The following ACYP2 variants were observed in gnomAD, a reference collection of about 807,000 sequenced individuals.
ACYP2 encodes the protein acylphosphatase 2, also known as acylphosphatase-2.
In ACYP2, 12 loss-of-function variants were observed where a neutral mutation model predicts 11.2. That is an observed-to-expected ratio of 1.08 (90% CI 0.69 to 1.74). The LOEUF is 1.74. Ranked by LOEUF, ACYP2 falls within the 40% of genes most tolerant of loss-of-function variation. The pLI, the probability that ACYP2 is intolerant of heterozygous loss-of-function variation, is 0.00. For missense variants in ACYP2, 134 were observed against 101.9 expected, an observed-to-expected ratio of 1.31 and a Z score of -1.35; for synonymous variants, 43 against 32.2, an observed-to-expected ratio of 1.33 and a Z score of -1.13.
intron 2 of ACYP2, among the ~76,000 whole-genome samples, chr2:54,017,776 G>A (rs1673779701): frequency 6.6e-6 from 1 of 152,142 alleles, no homozygotes; most frequent in Admixed American, 6.5e-5. Flanking sequence ...CATCTCACAG[G>A]CTACTGTATT....
intron 2 of ACYP2, among the ~76,000 whole-genome samples, chr2:54,033,844 T>A (rs1011217706): frequency 2.0e-5 from 3 of 152,208 alleles, no homozygotes; most frequent in Non-Finnish European, 2.9e-5. Context: ...AAGAACATAA[T>A]GATTTTTTCT....
intron 6 of ACYP2, among the ~76,000 whole-genome samples, chr2:54,283,123 T>TA (rs1688917355): frequency 1.3e-5 from 2 of 152,244 alleles, no homozygotes; most frequent in South Asian, 2.1e-4. Flanking sequence ...GGCTTTATCC[T>TA]AATGCACGAA....
chr2:54,002,944 G>C (rs1008450001), intron 2 of ACYP2, among the ~76,000 whole-genome samples: 2 of 149,670 alleles, frequency 1.3e-5, no homozygotes, highest in Non-Finnish European at 3.0e-5. Flanking sequence ...CACCATGCCT[G>C]GCCTTTTATT....
At chr2:54,008,530 T>C (rs1673192487) in intron 2 of ACYP2, among the ~76,000 whole-genome samples, 1 of 152,192 alleles carries the variant, frequency 6.6e-6, no homozygotes, top group Admixed American at 6.5e-5. Context: ...ATCACTCCAC[T>C]TCTGCTAAGA....
intron 6 of ACYP2, among the ~76,000 whole-genome samples, chr2:54,252,675 G>A (rs1216570256): frequency 2.6e-5 from 4 of 151,982 alleles, no homozygotes; most frequent in Admixed American, 6.5e-5. Context: ...GCCAATGGTC[G>A]GGCGGATCAC....
At chr2:54,202,890 A>C (rs1167107702) in intron 6 of ACYP2, among the ~76,000 whole-genome samples, 1 of 151,734 alleles carries the variant, frequency 6.6e-6, no homozygotes, top group African/African-American at 2.4e-5. Flanking sequence ...TAAGTTTTCA[A>C]ATTGAAAAGA....
intron 6 of ACYP2, among the ~76,000 whole-genome samples, chr2:54,302,855 A>G (rs1225685603): frequency 1.3e-5 from 2 of 152,100 alleles, no homozygotes; most frequent in African/African-American, 2.4e-5. Flanking sequence ...CTGTCAGCAA[A>G]TCTACTTTTA....
chr2:54,182,816 C>T (rs1376500074), intron 6 of ACYP2, among the ~76,000 whole-genome samples: 2 of 151,984 alleles, frequency 1.3e-5, no homozygotes, highest in Admixed American at 1.3e-4. Context: ...TTATTATTTG[C>T]CTATAGCGGC....
At chr2:53,978,797 C>A (rs1034665802) in intron 2 of ACYP2, among the ~76,000 whole-genome samples, 3 of 152,160 alleles carry the variant, frequency 2.0e-5, no homozygotes, top group Non-Finnish European at 2.9e-5. Flanking sequence ...GTGGCACATT[C>A]CTGTGGTCCC....
At chr2:54,187,285 CAAA>C (rs1684053832) in intron 6 of ACYP2, among the ~76,000 whole-genome samples, 1 of 152,302 alleles carries the variant, frequency 6.6e-6, no homozygotes, top group Admixed American at 6.5e-5. Context: ...CCCAGAGTTA[CAAA>C]CCTCAGGGAT....
At chr2:54,220,212 T>C (rs1437446780) in intron 6 of ACYP2, among the ~76,000 whole-genome samples, 1 of 152,156 alleles carries the variant, frequency 6.6e-6, no homozygotes, top group Non-Finnish European at 1.5e-5. Flanking sequence ...TTGCTTCTGT[T>C]ATCATTACAG....
chr2:54,017,812 G>A (rs1038847546), intron 2 of ACYP2, among the ~76,000 whole-genome samples: 3 of 138,356 alleles, frequency 2.2e-5, no homozygotes, highest in Non-Finnish European at 5.0e-5. Flanking sequence ...TGGTAGTCAG[G>A]GGTGAGTGGA....
chr2:54,293,402 C>T (rs1689395155), intron 6 of ACYP2, among the ~76,000 whole-genome samples: 1 of 152,228 alleles, frequency 6.6e-6, no homozygotes, highest in African/African-American at 2.4e-5. Context: ...ATTCAATTAG[C>T]TGGTTCTCAG....
At chr2:54,099,073 C>G (rs1347655286) in intron 4 of ACYP2, among the ~76,000 whole-genome samples, 1 of 152,162 alleles carries the variant, frequency 6.6e-6, no homozygotes, top group Non-Finnish European at 1.5e-5. Flanking sequence ...GTTCCATCAA[C>G]CAAGAGTTGA....
chr2:54,029,508 T>A, intron 2 of ACYP2: 1 of 383,156 alleles, frequency 2.6e-6, no homozygotes, highest in South Asian at 2.3e-5. Flanking sequence ...AGGGAAGTGG[T>A]TCCAGCAACT....
At chr2:54,288,976 A>G (rs972645501) in intron 6 of ACYP2, among the ~76,000 whole-genome samples, 1 of 152,006 alleles carries the variant, frequency 6.6e-6, no homozygotes, top group Non-Finnish European at 1.5e-5. Flanking sequence ...TTTTAATTCT[A>G]TTCAAAGCCT....
chr2:54,174,073 T>G (rs1163023470), intron 6 of ACYP2, among the ~76,000 whole-genome samples: 1 of 152,180 alleles, frequency 6.6e-6, no homozygotes, highest in Non-Finnish European at 1.5e-5. Context: ...GTGAAGAAAG[T>G]CATTGGTAGC....
intron 5 of ACYP2, among the ~76,000 whole-genome samples, chr2:54,138,256 A>T (rs1371082514): frequency 7.2e-5 from 11 of 152,274 alleles, no homozygotes; most frequent in South Asian, 4.1e-4. Context: ...AGTGATTGAG[A>T]ATCTTGGATT....
intron 2 of ACYP2, among the ~76,000 whole-genome samples, chr2:54,007,897 A>C (rs967696753): frequency 6.6e-6 from 1 of 152,098 alleles, no homozygotes; most frequent in Non-Finnish European, 1.5e-5. Flanking sequence ...CAAATGAAAA[A>C]AAAAAGGTGG....
Sources: gnomAD v4.1 joint callset for allele counts (sites outside exome capture counted in the v4.1 genomes callset) on GRCh38, gnomAD v4.1.1 for gene constraint, MANE v1.5 for transcripts, NCBI Gene and HGNC (gene_info 2026-07-23, HGNC 2026-07-21) for gene names.